Variants in HDAC4 observed in about 807,000 individuals in gnomAD.
HDAC4 encodes histone deacetylase A.
In HDAC4, 16 loss-of-function variants were observed where a neutral mutation model predicts 135.1. The ratio of observed to expected loss-of-function variants is 0.12; its 90% CI spans 0.08 to 0.18. The LOEUF (loss-of-function observed/expected upper bound fraction) is 0.18, where lower values mean the gene tolerates loss of function less well. Among genes scored for constraint, HDAC4 ranks in the 10% least tolerant of loss-of-function variants. HDAC4 has a pLI of 1.00. For missense variants in HDAC4, 1,143 were observed against 1,511.8 expected (o/e 0.76, Z 4.05); for synonymous variants, 685 against 653.4 (o/e 1.05, Z -0.74).
Position 239,237,461 on chromosome 2 carries a change from G to A in HDAC4, c.23-797C>T, listed in dbSNP as rs374522985. ...TGCATATCATTACAGACTTGCACGC[G>A]GAGGTCATTTTCCTTACTAAGCGAA... On this transcript the variant is annotated intron_variant, in intron 2 of 26. Transcript: ENST00000543185. 5.9e-5 allele frequency among the ~76,000 whole-genome samples: 9 copies of A among 152,092 alleles called. No individual in the cohort carries two copies. The East Asian group carries it at 1.4e-3, about 23-fold the overall frequency.
intron 2 of HDAC4, among the ~76,000 whole-genome samples, chr2:239,323,504 CA>C: frequency 6.6e-6 from 1 of 152,270 alleles, no homozygotes; most frequent in South Asian, 2.1e-4. Context: ...TTTCATCCAA[CA>C]AAATCAAAGC....
chr2:239,148,646 C>T (rs2041914933), intron 7 of HDAC4, among the ~76,000 whole-genome samples: 1 of 152,214 alleles, frequency 6.6e-6, no homozygotes, highest in African/African-American at 2.4e-5. Context: ...AGTGATTTAC[C>T]AGCAAATGAG....
chr2:239,065,634 G>C (rs2033373680), intron 24 of HDAC4, among the ~76,000 whole-genome samples: 1 of 152,204 alleles, frequency 6.6e-6, no homozygotes, highest in African/African-American at 2.4e-5. Flanking sequence ...GGGGAGGGCA[G>C]TCCCAGAGGG....
At chr2:239,197,214 A>G (rs1349390652) in intron 3 of HDAC4, among the ~76,000 whole-genome samples, 1 of 152,136 alleles carries the variant, frequency 6.6e-6, no homozygotes, top group Non-Finnish European at 1.5e-5. Flanking sequence ...TTGGCTGGGT[A>G]TAGAATTCCA....
At chr2:239,232,283 C>T (rs139069497) in intron 3 of HDAC4, among the ~76,000 whole-genome samples, 20 of 152,370 alleles carry the variant, frequency 1.3e-4, no homozygotes, top group African/African-American at 4.8e-4. Flanking sequence ...CGTAATTCAG[C>T]CCTTGGGCAT....
intron 4 of HDAC4, 92 bp downstream of exon 4, chr2:239,189,741 C>T (rs1172579722): frequency 3.8e-6 from 5 of 1,318,236 alleles, no homozygotes; most frequent in South Asian, 2.5e-5. Context: ...ATGCCTGGGG[C>T]CCCAGCACAC....
intron 2 of HDAC4, among the ~76,000 whole-genome samples, chr2:239,328,162 A>G (rs1215693638): frequency 6.6e-6 from 1 of 152,194 alleles, no homozygotes; most frequent in Non-Finnish European, 1.5e-5. Context: ...AAATGACTGG[A>G]GGCCCAAGTT....
chr2:239,204,703 GCCCTTCAA>G lies in HDAC4; in HGVS notation c.95-14634_95-14627del, dbSNP rs1282906682. Among the ~76,000 whole-genome samples the G allele has an allele frequency of 2.0e-5, 3 of 152,116 alleles. No homozygotes were observed. The South Asian group carries it at 6.2e-4, about 32-fold the overall frequency. On this transcript the variant is annotated intron_variant, in intron 3 of 26. Transcript: ENST00000543185. ...TGGCACAGAGAGTCTGCCGCTTCTC[GCCCTTCAA>G]CAGCCAGACCCTGGGAATGGGTCAG... is the stretch of plus-strand genomic sequence containing the variant.
chr2:239,212,240 G>T (rs1452935768), intron 3 of HDAC4, among the ~76,000 whole-genome samples: 1 of 152,134 alleles, frequency 6.6e-6, no homozygotes, highest in Admixed American at 6.5e-5. Context: ...GTGAGACTTG[G>T]TTGAAAGGGT....
chr2:239,401,153 T>A (rs1366809017), upstream of HDAC4: 1 of 151,636 alleles, frequency 6.6e-6, no homozygotes, highest in Non-Finnish European at 1.5e-5. Context: ...TGGTTTCTAA[T>A]GAAGAGCTCG....
At position 239,298,025 on chromosome 2, in the gene HDAC4, A is replaced by G. The variant is rs989614882; in HGVS notation, c.22+54653T>C. The G allele has an allele frequency of 3.1e-5, 13 of 417,816 alleles. 1 individual carries two copies. Among genetic ancestry groups the G allele is most frequent in the South Asian group, 2.1e-4 (11 of 53,640 alleles). 25.9% of individuals were successfully genotyped at this position (417,816 alleles called of 1,614,324 possible). A position where few individuals can be genotyped will look rare whatever the true frequency, so the allele number is the denominator to read the frequency against. ...TGATGCTGAGATGAGAAGACACCAA[A>G]AAAAGGCAGGAATTAGCACAATATT... On this transcript the variant is annotated intron_variant, in intron 2 of 26. Coordinates refer to ENST00000543185, the MANE Select transcript of HDAC4 (RefSeq NM_001378414.1).
At chr2:239,112,835 C>A (rs1366746058) in intron 13 of HDAC4, among the ~76,000 whole-genome samples, 1 of 152,202 alleles carries the variant, frequency 6.6e-6, no homozygotes, top group Non-Finnish European at 1.5e-5. Flanking sequence ...AACCAGGTAC[C>A]TACATCCCAG....
At chr2:239,283,496 T>C (rs1215621232) in intron 2 of HDAC4, among the ~76,000 whole-genome samples, 5 of 152,210 alleles carry the variant, frequency 3.3e-5, no homozygotes, top group Admixed American at 2.0e-4. Flanking sequence ...GGGACGCCAC[T>C]GCCGGCAGAG....
At chr2:239,375,541 A>G (rs991951258) in intron 1 of HDAC4, among the ~76,000 whole-genome samples, 6 of 152,110 alleles carry the variant, frequency 3.9e-5, no homozygotes, top group African/African-American at 1.2e-4. Context: ...GCGAGTGGTG[A>G]CGCCTCACAG....
intron 17 of HDAC4, chr2:239,091,776 G>C (rs1008298475): frequency 6.6e-6 from 1 of 152,146 alleles, no homozygotes; most frequent in African/African-American, 2.4e-5. Flanking sequence ...TTAGCCAGAT[G>C]TGGGCCGGGC....
At position 239,374,386 on chromosome 2, in the gene HDAC4, C is replaced by CTTTTTTTTTTTT. The variant is rs755538495; in HGVS notation, c.-219-21480_-219-21469dup. ...CACCCCAGATGAATAGAAAACAAGG[C>CTTTTTTTTTTTT]TTTTTTTTTTTTTTTTTTTTTTTTT... On this transcript the variant is annotated intron_variant, in intron 1 of 26. Coordinates refer to ENST00000543185, the MANE Select transcript of HDAC4 (RefSeq NM_001378414.1). 1.4e-4 allele frequency among the ~76,000 whole-genome samples: 8 copies of CTTTTTTTTTTTT among 56,666 alleles called. 2 individuals carry two copies. Among genetic ancestry groups the CTTTTTTTTTTTT allele is most frequent in the Non-Finnish European group, 2.4e-4 (8 of 33,546 alleles). The allele number at this position is 56,666 out of a possible 152,430, so 37.2% of individuals were successfully genotyped here. A position where few individuals can be genotyped will look rare whatever the true frequency, so the allele number is the denominator to read the frequency against.
At chr2:239,224,704 T>A (rs2047146003) in intron 3 of HDAC4, among the ~76,000 whole-genome samples, 2 of 152,164 alleles carry the variant, frequency 1.3e-5, no homozygotes, top group Non-Finnish European at 2.9e-5. Flanking sequence ...AATACATGTA[T>A]TCCATATGCC....
At position 239,295,168 on chromosome 2, in the gene HDAC4, G is replaced by A. The variant is rs62182102; in HGVS notation, c.22+57510C>T. On this transcript the variant is annotated intron_variant, in intron 2 of 26. Transcript: ENST00000543185. The stretch of plus-strand genomic sequence containing the variant: ...TAAAAATACAAAAAATTAGCCAGGC[G>A]TAGTGGCGGGCGCCTGTAGTCCCAG... Among the ~76,000 whole-genome samples, 1,220 of 150,432 alleles carry A rather than the reference G, an allele frequency of 8.1e-3. 8 individuals carry two copies. The highest frequency in any genetic ancestry group is 0.014 in the Non-Finnish European group (925 of 67,102).
rs200800997 is a variant in HDAC4 at position 239,111,647 on chromosome 2, G to A, written c.1857C>T (p.Ala619=). Residue 619 remains alanine, a synonymous_variant, in exon 14 of 27, where the codon GCC becomes GCT. Transcript: ENST00000543185. ...QLRNYQASME[A]AGIPVSFGGH... The stretch of plus-strand genomic sequence containing the variant: ...CGCCGAAGGACACGGGGATGCCGGC[G>A]GCCTCCATGGACGCCTGGTAGTTCC... 60 of 1,607,198 alleles carry A rather than the reference G, an allele frequency of 3.7e-5. No individual in the cohort carries two copies. In the East Asian group the frequency reaches 7.8e-4, roughly 21 times the overall value.
Sources: gnomAD v4.1 joint callset for allele counts (sites outside exome capture counted in the v4.1 genomes callset) on GRCh38, gnomAD v4.1.1 for gene constraint, MANE v1.5 for transcripts, NCBI Gene and HGNC (gene_info 2026-07-23, HGNC 2026-07-21) for gene names.